The following IL34 variants were observed in gnomAD, a reference collection of about 807,000 sequenced individuals.
IL34 encodes interleukin 34.
A neutral mutation model predicts 25.3 loss-of-function variants in IL34; 17 were observed. The observed-to-expected ratio is 0.67, with a 90% CI of 0.46 to 1.01. IL34 has a LOEUF of 1.01. IL34 is among the 50% of genes least tolerant of loss of function. The probability of loss-of-function intolerance (pLI) is 0.00; values close to 1 mark genes in which losing one functional copy is unlikely to be tolerated. For missense variants in IL34, 368 were observed against 312.9 expected, an observed-to-expected ratio of 1.18 and a Z score of -1.33; for synonymous variants, 174 against 140.9, an observed-to-expected ratio of 1.23 and a Z score of -1.66.
chr16:70,602,925 G>A (rs1245076943), intron 1 of IL34, among the ~76,000 whole-genome samples: 1 of 151,824 alleles, frequency 6.6e-6, no homozygotes, highest in Admixed American at 6.6e-5. Context: ...GGGGGCCACC[G>A]CCAGCATGAG....
At chr16:70,606,434 A>G (rs970479319) in intron 1 of IL34, among the ~76,000 whole-genome samples, 1 of 152,140 alleles carries the variant, frequency 6.6e-6, no homozygotes, top group Non-Finnish European at 1.5e-5. Context: ...TATGTAGATC[A>G]TAAATCAAGA....
At chr16:70,628,500 T>A (rs1178826409) in intron 1 of IL34, among the ~76,000 whole-genome samples, 1 of 151,530 alleles carries the variant, frequency 6.6e-6, no homozygotes, top group African/African-American at 2.4e-5. Flanking sequence ...TTTATTTTTT[T>A]TTTTGAGACA....
intron 1 of IL34, among the ~76,000 whole-genome samples, chr16:70,613,699 C>T (rs749045800): frequency 1.3e-5 from 2 of 151,930 alleles, no homozygotes; most frequent in African/African-American, 4.8e-5. Context: ...CACAGTGAAA[C>T]CCTATCTCTA....
intron 1 of IL34, among the ~76,000 whole-genome samples, chr16:70,653,524 C>T (rs545083161): frequency 6.6e-6 from 1 of 152,022 alleles, no homozygotes; most frequent in African/African-American, 2.4e-5. Flanking sequence ...CATGGCGATA[C>T]CAGGTCTCTA....
chr16:70,643,300 G>T (rs2051830915), upstream of IL34, among the ~76,000 whole-genome samples: 1 of 152,284 alleles, frequency 6.6e-6, no homozygotes, highest in East Asian at 1.9e-4. Context: ...CTGACCTCAG[G>T]TGATCCACCT....
intron 4 of IL34, among the ~76,000 whole-genome samples, chr16:70,657,965 A>G (rs1360519447): frequency 6.6e-6 from 1 of 152,142 alleles, no homozygotes. Context: ...CTGAGGCCTC[A>G]GGGATATTAT....
upstream of IL34, among the ~76,000 whole-genome samples, chr16:70,645,281 C>T (rs1266917312): frequency 6.6e-6 from 1 of 152,202 alleles, no homozygotes; most frequent in Non-Finnish European, 1.5e-5. Flanking sequence ...AACCCGTGTT[C>T]TCTCTATAAG....
intron 2 of IL34, among the ~76,000 whole-genome samples, chr16:70,655,335 G>C (rs1196913057): frequency 6.6e-6 from 1 of 152,020 alleles, no homozygotes; most frequent in Non-Finnish European, 1.5e-5. Flanking sequence ...ACAGGCGTGA[G>C]CCACTGCGCC....
At chr16:70,601,838 C>T (rs1357317194) in intron 1 of IL34, among the ~76,000 whole-genome samples, 1 of 152,246 alleles carries the variant, frequency 6.6e-6, no homozygotes, top group African/African-American at 2.4e-5. Context: ...GCCAAGGATG[C>T]CTTTGTCCAG....
At chr16:70,614,811 A>G (rs1001788645) in intron 1 of IL34, among the ~76,000 whole-genome samples, 2 of 152,256 alleles carry the variant, frequency 1.3e-5, no homozygotes, top group Admixed American at 1.3e-4. Flanking sequence ...TTCCTTGATT[A>G]TAAATGACAG....
chr16:70,635,573 G>C (rs376722532), intron 1 of IL34, among the ~76,000 whole-genome samples: 2 of 152,108 alleles, frequency 1.3e-5, no homozygotes, highest in African/African-American at 4.8e-5. Flanking sequence ...GCAGAACATC[G>C]GCAGCTTCCT....
At chr16:70,615,112 A>G (rs576535456) in intron 1 of IL34, among the ~76,000 whole-genome samples, 1 of 152,252 alleles carries the variant, frequency 6.6e-6, no homozygotes, top group East Asian at 1.9e-4. Flanking sequence ...TTACCCCCCA[A>G]ATCTCTGGAC....
At chr16:70,595,900 A>G (rs1175012674) in intron 1 of IL34, among the ~76,000 whole-genome samples, 1 of 151,864 alleles carries the variant, frequency 6.6e-6, no homozygotes, top group Non-Finnish European at 1.5e-5. Context: ...AGTCTCAGCT[A>G]CTCAGGAGGC....
intron 1 of IL34, among the ~76,000 whole-genome samples, chr16:70,612,561 GA>G (rs2051106640): frequency 6.6e-6 from 1 of 152,222 alleles, no homozygotes; most frequent in Admixed American, 6.5e-5. Flanking sequence ...ACTAAAGTGT[GA>G]AAGATTGTCA....
At chr16:70,642,294 C>CTTTTT (rs531744889), upstream of IL34, among the ~76,000 whole-genome samples, 6 of 116,934 alleles carry the variant, frequency 5.1e-5, no homozygotes, top group Non-Finnish European at 8.8e-5. Flanking sequence ...ACTCTGATGT[C>CTTTTT]TTTTTTTTTT....
chr16:70,651,095 C>T (rs536543487), intron 1 of IL34, among the ~76,000 whole-genome samples: 1 of 152,012 alleles, frequency 6.6e-6, no homozygotes, highest in South Asian at 2.1e-4. Flanking sequence ...ACCTGTAATC[C>T]CAGGTCATGA....
intron 1 of IL34, among the ~76,000 whole-genome samples, chr16:70,628,173 C>T (rs2051437526): frequency 1.3e-5 from 2 of 151,964 alleles, no homozygotes; most frequent in African/African-American, 4.8e-5. Context: ...TGGTCGAGCA[C>T]CTTATTATAT....
intron 1 of IL34, among the ~76,000 whole-genome samples, chr16:70,641,529 C>T (rs1445607001): frequency 6.1e-5 from 9 of 148,242 alleles, no homozygotes; most frequent in Non-Finnish European, 8.9e-5. Flanking sequence ...CCCTTCCTCC[C>T]TCCCTCCCTT....
At chr16:70,606,619 G>T (rs189229470) in intron 1 of IL34, among the ~76,000 whole-genome samples, 6 of 151,914 alleles carry the variant, frequency 3.9e-5, no homozygotes, top group African/African-American at 1.4e-4. Context: ...ACAAGATCTC[G>T]TTCTGTTGTC....
Sources: allele counts gnomAD v4.1 joint callset (sites outside exome capture counted in the v4.1 genomes callset), GRCh38; gene constraint gnomAD v4.1.1; transcripts MANE v1.5; gene names NCBI Gene and HGNC (gene_info 2026-07-23, HGNC 2026-07-21).